MSRA: variants seen among roughly 807,000 people sequenced by gnomAD.
MSRA encodes methionine sulfoxide reductase A.
In MSRA, 54 loss-of-function variants were observed where a neutral mutation model predicts 31.3. The observed-to-expected ratio is 1.73, with a 90% CI of 1.39 to 2.17. The LOEUF is 2.17. MSRA is among the 30% of genes most tolerant of loss of function. The pLI is 0.00. For synonymous variants in MSRA, 169 were observed against 116.5 expected (o/e 1.45, Z -2.90); for missense variants, 507 against 300.9 (o/e 1.69, Z -5.07).
chr8:10,326,271 A>G (rs528819033), intron 5 of MSRA, among the ~76,000 whole-genome samples: 65 of 152,250 alleles, frequency 4.3e-4, no homozygotes, highest in Non-Finnish European at 7.8e-4. Context: ...CCATTTGAAC[A>G]TAAAATTAGC....
intron 5 of MSRA, chr8:10,353,520 G>A: frequency 2.3e-6 from 1 of 439,354 alleles, no homozygotes; most frequent in Non-Finnish European, 4.6e-6. Flanking sequence ...TTAGCAGTTG[G>A]TCCCCTGCAG....
chr8:10,352,566 T>G (rs919431039), intron 5 of MSRA, among the ~76,000 whole-genome samples: 1 of 152,064 alleles, frequency 6.6e-6, no homozygotes, highest in Non-Finnish European at 1.5e-5. Flanking sequence ...GCAGCTGCAA[T>G]TTGCTGGTTA....
chr8:10,101,540 C>T lies in MSRA; in HGVS notation c.142+46882C>T, dbSNP rs537633459. Among the ~76,000 whole-genome samples, 39 of 152,202 alleles carry T rather than the reference C, an allele frequency of 2.6e-4. 1 individual carries two copies. In the South Asian group the frequency reaches 7.1e-3, roughly 28 times the overall value. ...ACAATAACTTTCTATTCTTCCCTTCCCCAAACCCCGCAACAGAATCGTGGC... is the reference window on the plus strand; with the variant it reads ...ACAATAACTTTCTATTCTTCCCTTCTCCAAACCCCGCAACAGAATCGTGGC... On this transcript the variant is annotated intron_variant, in intron 1 of 5. Coordinates refer to ENST00000317173, the MANE Select transcript of MSRA (RefSeq NM_012331.5).
chr8:10,079,010 G>A (rs1212666509), intron 1 of MSRA, among the ~76,000 whole-genome samples: 2 of 152,196 alleles, frequency 1.3e-5, no homozygotes, highest in Non-Finnish European at 2.9e-5. Flanking sequence ...CATTCGTGTT[G>A]TTCCAGTATT....
intron 5 of MSRA, among the ~76,000 whole-genome samples, chr8:10,392,508 C>G (rs1043151062): frequency 6.6e-6 from 1 of 152,130 alleles, no homozygotes; most frequent in Non-Finnish European, 1.5e-5. Flanking sequence ...TCCGCTCTTT[C>G]TCCCCTTCCT....
chr8:10,187,267 C>T (rs886069026), intron 1 of MSRA, among the ~76,000 whole-genome samples: 4 of 152,140 alleles, frequency 2.6e-5, no homozygotes, highest in African/African-American at 9.7e-5. Flanking sequence ...CCTGGAGTGT[C>T]TTGAAGGGTT....
chr8:10,403,907 T>A (rs1563441951), intron 5 of MSRA, among the ~76,000 whole-genome samples: 1 of 152,172 alleles, frequency 6.6e-6, no homozygotes, highest in Non-Finnish European at 1.5e-5. Context: ...CACAGAGGAT[T>A]GTATGAGGAT....
At chr8:10,386,982 T>C (rs1045464201) in intron 5 of MSRA, among the ~76,000 whole-genome samples, 11 of 151,734 alleles carry the variant, frequency 7.2e-5, no homozygotes, top group African/African-American at 2.7e-4. Flanking sequence ...CAAATATTGA[T>C]GTGCGTGCAG....
intron 1 of MSRA, among the ~76,000 whole-genome samples, chr8:10,206,665 C>G (rs1189648033): frequency 6.6e-6 from 1 of 152,204 alleles, no homozygotes; most frequent in Non-Finnish European, 1.5e-5. Flanking sequence ...CTCACCCTTG[C>G]CTTTGCAAAC....
At chr8:10,070,028 C>T (rs763606247) in intron 1 of MSRA, among the ~76,000 whole-genome samples, 10 of 152,064 alleles carry the variant, frequency 6.6e-5, no homozygotes, top group Non-Finnish European at 1.3e-4. Flanking sequence ...TTAAATCTTG[C>T]CAAGGATATA....
intron 5 of MSRA, among the ~76,000 whole-genome samples, chr8:10,368,000 C>G (rs777470779): frequency 3.3e-5 from 5 of 152,150 alleles, no homozygotes; most frequent in Non-Finnish European, 5.9e-5. Context: ...GCTAGCCCAT[C>G]AGGAAGGGTT....
chr8:10,373,262 C>A (rs1317904597), intron 5 of MSRA, among the ~76,000 whole-genome samples: 1 of 152,192 alleles, frequency 6.6e-6, no homozygotes, highest in African/African-American at 2.4e-5. Flanking sequence ...ACTGTTTTTA[C>A]TGACATTTTT....
chr8:10,387,892 C>A (rs1269932134), intron 5 of MSRA, among the ~76,000 whole-genome samples: 1 of 152,180 alleles, frequency 6.6e-6, no homozygotes, highest in Admixed American at 6.5e-5. Flanking sequence ...GGTTCTCAGG[C>A]AGCTTCTAGG....
intron 5 of MSRA, among the ~76,000 whole-genome samples, chr8:10,401,498 G>GT (rs1473899696): frequency 3.9e-5 from 6 of 152,218 alleles, no homozygotes; most frequent in Non-Finnish European, 8.8e-5. Flanking sequence ...TGTGGAAACA[G>GT]TTAGACAGTT....
intron 3 of MSRA, among the ~76,000 whole-genome samples, chr8:10,290,841 G>A (rs775517123): frequency 6.6e-6 from 1 of 152,178 alleles, no homozygotes; most frequent in African/African-American, 2.4e-5. Context: ...TCTCTTGGCT[G>A]CAGGGATACC....
At chr8:10,236,057 C>T (rs988246690) in intron 2 of MSRA, among the ~76,000 whole-genome samples, 1 of 152,062 alleles carries the variant, frequency 6.6e-6, no homozygotes, top group African/African-American at 2.4e-5. Flanking sequence ...AGAAAGCATG[C>T]ATTGTTAATA....
chr8:10,129,849 C>T (rs1801770923), intron 1 of MSRA, among the ~76,000 whole-genome samples: 1 of 29,880 alleles, frequency 3.3e-5, no homozygotes, highest in African/African-American at 8.4e-5. Context: ...TGACATTCAG[C>T]AAATAGTTCC....
intron 1 of MSRA, among the ~76,000 whole-genome samples, chr8:10,089,307 C>CA (rs1798742081): frequency 1.3e-5 from 2 of 152,144 alleles, no homozygotes; most frequent in Non-Finnish European, 1.5e-5. Context: ...CTTAAAAGAA[C>CA]AAAAGAACAA....
At chr8:10,081,775 G>T (rs186688225) in intron 1 of MSRA, among the ~76,000 whole-genome samples, 1 of 152,262 alleles carries the variant, frequency 6.6e-6, no homozygotes, top group Admixed American at 6.5e-5. Context: ...GGGATTACAG[G>T]TGTGAGCCAC....
Sources: gnomAD v4.1 joint callset for allele counts (sites outside exome capture counted in the v4.1 genomes callset) on GRCh38, gnomAD v4.1.1 for gene constraint, MANE v1.5 for transcripts, NCBI Gene and HGNC (gene_info 2026-07-23, HGNC 2026-07-21) for gene names.